COLEC11: variants seen among roughly 807,000 people sequenced by gnomAD.
The protein encoded by COLEC11 is collectin-11.
Under a neutral mutation model 27.3 loss-of-function variants are expected in COLEC11, and 20 were observed. The ratio of observed to expected loss-of-function variants is 0.73; its 90% CI spans 0.51 to 1.06. The LOEUF (loss-of-function observed/expected upper bound fraction) is 1.06. COLEC11 is among the 50% of genes least tolerant of loss of function. The pLI is 0.00. For synonymous variants in COLEC11, 163 were observed against 154.7 expected (o/e 1.05, Z -0.40); for missense variants, 310 against 383.0 (o/e 0.81, Z 1.59).
intron 3 of COLEC11, among the ~76,000 whole-genome samples, chr2:3,620,865 C>T (rs2147908322): frequency 6.6e-6 from 1 of 152,154 alleles, no homozygotes; most frequent in South Asian, 2.1e-4. Context: ...TTGCTGATTC[C>T]TAGTTTTATC....
At chr2:3,599,877 A>G (rs1271103895) in intron 1 of COLEC11, among the ~76,000 whole-genome samples, 2 of 152,230 alleles carry the variant, frequency 1.3e-5, no homozygotes, top group East Asian at 3.8e-4. Flanking sequence ...TCCATAAGCT[A>G]CAACTACATA....
chr2:3,638,751 G>A (rs112655831), intron 4 of COLEC11, among the ~76,000 whole-genome samples: 4,206 of 152,314 alleles, frequency 0.028, 203 homozygotes, highest in African/African-American at 0.095. Context: ...TGAAGAGCAC[G>A]CAGAGAACCA....
intron 3 of COLEC11, among the ~76,000 whole-genome samples, chr2:3,630,267 A>G (rs956107715): frequency 3.3e-5 from 5 of 152,172 alleles, no homozygotes; most frequent in African/African-American, 7.2e-5. Context: ...ACATGCATGT[A>G]TGTGTGTATA....
At chr2:3,596,368 G>C (rs1275493312) in intron 1 of COLEC11, among the ~76,000 whole-genome samples, 9 of 145,758 alleles carry the variant, frequency 6.2e-5, no homozygotes, top group Admixed American at 5.5e-4. Flanking sequence ...ATGGACTCTG[G>C]CTCTGTCACC....
At chr2:3,640,099 A>T (rs1276513045) in intron 4 of COLEC11, among the ~76,000 whole-genome samples, 179 bp from the exon 5 acceptor site, 1 of 152,206 alleles carries the variant, frequency 6.6e-6, no homozygotes, top group African/African-American at 2.4e-5. Context: ...TATGGTTCGT[A>T]TCACATAAAT....
Position 3,643,981 on chromosome 2 carries a change from A to G in COLEC11, c.679A>G (p.Lys227Glu). The G allele has an allele frequency of 6.2e-7, 1 of 1,614,136 alleles. No individual in the cohort carries two copies. Among genetic ancestry groups the G allele is most frequent in the Non-Finnish European group, 8.5e-7 (1 of 1,180,038 alleles). The change falls in exon 7 of 7, where the codon AAG (lysine) becomes GAG (glutamate). Residue 227 changes from lysine to glutamate, a missense_variant. Lys to Glu is a moderately conservative substitution (Grantham distance 56). Transcript: ENST00000349077. ...CCACTCCCCCATGCGGACCTTCAAC[A>G]AGTGGCGCAGCGGTGAGCCCAACAA... is the stretch of plus-strand genomic sequence containing the variant. ...SDHSPMRTFN[K>E]WRSGEPNNAY...
intron 1 of COLEC11, chr2:3,603,681 T>C (rs1425500788): frequency 5.2e-6 from 8 of 1,550,792 alleles, no homozygotes; most frequent in Non-Finnish European, 5.2e-6. Context: ...TACCCGCCCC[T>C]CCTGGGATGG....
chr2:3,641,551 C>A, intron 5 of COLEC11: 1 of 594,146 alleles, frequency 1.7e-6, no homozygotes, highest in Non-Finnish European at 2.5e-6. Context: ...TCCACTTCCC[C>A]TGACAGGGAT....
chr2:3,613,497 G>A (rs1663403414), intron 3 of COLEC11, 115 bp downstream of exon 3: 3 of 1,100,410 alleles, frequency 2.7e-6, no homozygotes, highest in Middle Eastern at 5.6e-4. Context: ...CCTGCCCTCT[G>A]GGTCCCAGGG....
intron 3 of COLEC11, among the ~76,000 whole-genome samples, chr2:3,619,418 G>A (rs115468578): frequency 0.024 from 3,685 of 152,222 alleles, 147 homozygotes; most frequent in African/African-American, 0.08. Flanking sequence ...CTCATACATG[G>A]CCTTTATTGT....
chr2:3,632,490 G>A (rs1050004471), intron 3 of COLEC11, among the ~76,000 whole-genome samples: 1 of 152,160 alleles, frequency 6.6e-6, no homozygotes, highest in African/African-American at 2.4e-5. Flanking sequence ...TGCGTCTCAC[G>A]CGGCCTTTCC....
At chr2:3,628,332 C>G (rs1245069978) in intron 3 of COLEC11, among the ~76,000 whole-genome samples, 1 of 152,248 alleles carries the variant, frequency 6.6e-6, no homozygotes, top group African/African-American at 2.4e-5. Flanking sequence ...TGTTCTCTGC[C>G]TATCTATGGA....
intron 2 of COLEC11, 27 bp from the exon 3 acceptor site, chr2:3,613,284 G>A (rs1188600673): frequency 1.9e-6 from 3 of 1,600,676 alleles, no homozygotes; most frequent in Non-Finnish European, 1.7e-6. Flanking sequence ...CAGACGAGCT[G>A]CTAAATGGAT....
At chr2:3,642,378 C>T (rs1020619897) in intron 5 of COLEC11, among the ~76,000 whole-genome samples, 1 of 152,136 alleles carries the variant, frequency 6.6e-6, no homozygotes, top group Non-Finnish European at 1.5e-5. Flanking sequence ...CCAGAAAGGC[C>T]TGTGAGGTGT....
intron 3 of COLEC11, among the ~76,000 whole-genome samples, chr2:3,622,850 C>T (rs1272293466): frequency 6.6e-6 from 1 of 152,200 alleles, no homozygotes; most frequent in Non-Finnish European, 1.5e-5. Context: ...GTAATGGCAA[C>T]AGAAAACAGA....
intron 3 of COLEC11, among the ~76,000 whole-genome samples, chr2:3,625,624 A>ATTTTTT (rs1572441099): frequency 2.6e-5 from 1 of 39,058 alleles, no homozygotes; most frequent in African/African-American, 1.3e-4. Context: ...CTTCTTTTTT[A>ATTTTTT]CTTTTTTTTT....
chr2:3,597,245 C>T (rs371653207), intron 1 of COLEC11, among the ~76,000 whole-genome samples: 2 of 149,534 alleles, frequency 1.3e-5, no homozygotes, highest in Non-Finnish European at 3.0e-5. Flanking sequence ...AGTGAAGGCA[C>T]GAGAAATCCC....
At position 3,643,949 on chromosome 2, in the gene COLEC11, A is replaced by G. The variant is rs763874875; in HGVS notation, c.647A>G (p.Tyr216Cys). ...CTGGAGAAGGAGGGCGCCTTCGTGT[A>G]CTCTGACCACTCCCCCATGCGGACC... ...NDLEKEGAFV[Y>C]SDHSPMRTFN... The change falls in exon 7 of 7, where the codon TAC becomes TGC. Residue 216 changes from tyrosine (Y) to cysteine (C), a missense_variant. By Grantham distance (194) the Tyr-to-Cys change is radical (BLOSUM62 -2). Transcript: ENST00000349077. 1 of 1,614,062 alleles carries G rather than the reference A, an allele frequency of 6.2e-7. No individual in the cohort carries two copies. Among genetic ancestry groups the G allele is most frequent in the Non-Finnish European group, 8.5e-7 (1 of 1,180,008 alleles).
intron 2 of COLEC11, among the ~76,000 whole-genome samples, chr2:3,608,059 C>T (rs115700193): frequency 0.017 from 2,589 of 152,300 alleles, 60 homozygotes; most frequent in African/African-American, 0.059. Context: ...CACGGATCTT[C>T]CTCAACTGGC....
Sources: gnomAD v4.1 joint callset for allele counts (sites outside exome capture counted in the v4.1 genomes callset) on GRCh38, gnomAD v4.1.1 for gene constraint, MANE v1.5 for transcripts, NCBI Gene and HGNC (gene_info 2026-07-23, HGNC 2026-07-21) for gene names.